METTL23: variants seen among roughly 807,000 people sequenced by gnomAD.
METTL23 encodes methyltransferase 23, arginine, also known as histone-arginine methyltransferase METTL23.
METTL23 carries 24 observed loss-of-function variants against 21.2 expected under a neutral mutation model. The observed-to-expected ratio is 1.13, with a 90% confidence interval of 0.82 to 1.59. The LOEUF is 1.59. Among genes scored for constraint, METTL23 ranks in the 40% most tolerant of loss-of-function variants. The pLI, the probability that METTL23 is intolerant of heterozygous loss-of-function variation, is 0.00. For missense variants in METTL23, 276 were observed against 221.4 expected (o/e 1.25, Z -1.57); for synonymous variants, 97 against 75.2 (o/e 1.29, Z -1.50).
chr17:76,733,811 T>A lies in METTL23; in HGVS notation c.*125T>A. 5.3e-6 allele frequency: 4 copies of A among 761,498 alleles called. No individual in the cohort carries two copies. In the South Asian group the frequency reaches 9.1e-5, roughly 17 times the overall value. 47.2% of individuals were successfully genotyped at this position (761,498 alleles called of 1,614,324 possible). A position where few individuals can be genotyped will look rare whatever the true frequency, so the allele number is the denominator to read the frequency against. On this transcript the variant is annotated 3_prime_UTR_variant, in exon 5 of 5. Coordinates refer to ENST00000341249, the MANE Select transcript of METTL23 (RefSeq NM_001080510.5). ...TGAAGATGGTCAAGTCTGTTTGCCT[T>A]AGATTTTGATGTCACCTAGACAACA...
rs1174902140 is a variant in METTL23, at chr17:76,733,626, C to T, written c.513C>T (p.Thr171=). The T allele has an allele frequency of 1.2e-6, 2 of 1,613,760 alleles. No homozygotes were observed. The highest frequency in any genetic ancestry group is 1.3e-5 in the African/African-American group (1 of 74,996). ...DADKEDIAES[T]LPGRHTVEML... ...ACAAAGAAGATATAGCAGAATCTAC[C>T]CTTCCAGGAAGACATACAGTTGAAA... Residue 171 remains threonine, a synonymous_variant, in exon 5 of 5, where the codon ACC becomes ACT. Coordinates refer to ENST00000341249, the MANE Select transcript of METTL23 (RefSeq NM_001080510.5).
chr17:76,726,196 C>G (rs2030628528), upstream of METTL23: 1 of 1,110,958 alleles, frequency 9.0e-7, no homozygotes, highest in South Asian at 1.8e-5. Context: ...CCGGAATCCG[C>G]GCCTCGGGGA....
rs1311220969 is a variant in METTL23 at position 76,727,096 on chromosome 17, G to A, written c.-104G>A. ...GGCGAGCACGATTTCCGAGGACAGG[G>A]GGTCCGGGCCCAGCGCTTTCGATTC... On this transcript the variant is annotated 5_prime_UTR_variant, in exon 1 of 5. Coordinates refer to ENST00000341249, the MANE Select transcript of METTL23 (RefSeq NM_001080510.5). 2.2e-6 allele frequency: 1 copy of A among 454,524 alleles called. No homozygotes were observed. Among genetic ancestry groups the A allele is most frequent in the Non-Finnish European group, 4.4e-6 (1 of 226,316 alleles). The allele number at this position is 454,524 out of a possible 1,614,324, so 28.2% of individuals were successfully genotyped here.
At chr17:76,732,350 A>T (rs2077247970) in intron 2 of METTL23, among the ~76,000 whole-genome samples, 5 of 152,074 alleles carry the variant, frequency 3.3e-5, no homozygotes, top group Admixed American at 3.3e-4. Flanking sequence ...AGAAATACAA[A>T]ATTAGCTGGG....
rs367652715 is a variant in METTL23, at chr17:76,732,965, C to G, written c.85-13C>G. ...AGTATAATTGTGAAATGCCATCTTT[C>G]ATAACTTATTAGATTGGAGCTGGAG... On this transcript the variant is annotated splice_polypyrimidine_tract_variant and intron_variant, in intron 2 of 4. Transcript: ENST00000341249. 6.4e-7 allele frequency: 1 copy of G among 1,552,270 alleles called. No individual in the cohort carries two copies. The highest frequency in any genetic ancestry group is 1.4e-5 in the African/African-American group (1 of 73,432).
At chr17:76,727,363 A>C (rs553956951) in intron 1 of METTL23, 185 bp downstream of exon 1, 1 of 320,508 alleles carries the variant, frequency 3.1e-6, no homozygotes, top group African/African-American at 2.2e-5. Context: ...TCTCAGTAAG[A>C]ATTTTGGAGA....
chr17:76,732,256 A>G (rs1359021278), intron 2 of METTL23, among the ~76,000 whole-genome samples: 2 of 151,956 alleles, frequency 1.3e-5, no homozygotes, highest in Admixed American at 6.6e-5. Context: ...TAATCCTAGC[A>G]CTTTGGGAGG....
At chr17:76,728,416 T>TTTTTTTTTTTTTTTTTTTTTTTTTTTTTG (rs1568008567) in intron 1 of METTL23, among the ~76,000 whole-genome samples, 5 of 5,186 alleles carry the variant, frequency 9.6e-4, no homozygotes, top group Admixed American at 3.0e-3. Flanking sequence ...TCACGGATTT[T>TTTTTTTTTTTTTTTTTTTTTTTTTTTTTG]TTTTTTTTTT....
At chr17:76,732,747 A>ATGGAT (rs1306826117) in intron 2 of METTL23, 4 of 569,674 alleles carry the variant, frequency 7.0e-6, no homozygotes, top group Non-Finnish European at 1.3e-5. Context: ...ATGGCCCTTT[A>ATGGAT]ATATTGAAAT....
At position 76,729,727 on chromosome 17, in the gene METTL23, G is replaced by A. The variant is rs750712124; in HGVS notation, c.17G>A (p.Cys6Tyr). The change falls in exon 2 of 5, where the codon TGT (cysteine) becomes TAT (tyrosine). Residue 6 changes from cysteine to tyrosine, a missense_variant. Transcript: ENST00000341249. ...CAGTATGGAATGTATGTTTGGCCCT[G>A]TGCTGTGGTCCTGGCCCAGTACCTT... MYVWP[C>Y]AVVLAQYLWF... 1 of 1,598,454 alleles carries A rather than the reference G, an allele frequency of 6.3e-7. No individual in the cohort carries two copies. Among genetic ancestry groups the A allele is most frequent in the Admixed American group, 1.7e-5 (1 of 57,856 alleles).
intron 1 of METTL23, chr17:76,727,451 C>T (rs1003436431): frequency 5.2e-5 from 11 of 210,558 alleles, no homozygotes; most frequent in East Asian, 1.4e-4. Flanking sequence ...CCTCCTGCCT[C>T]GGCCTCCCAA....
At chr17:76,728,686 C>G (rs1249536025) in intron 1 of METTL23, among the ~76,000 whole-genome samples, 1 of 151,964 alleles carries the variant, frequency 6.6e-6, no homozygotes, top group Non-Finnish European at 1.5e-5. Flanking sequence ...GCTGGGATTA[C>G]AGGTGTAAGC....
chr17:76,731,595 G>A (rs1341266500), intron 2 of METTL23, among the ~76,000 whole-genome samples: 4 of 152,174 alleles, frequency 2.6e-5, no homozygotes, highest in Admixed American at 6.5e-5. Context: ...GTTGAGATTA[G>A]TGTAAAAATG....
intron 1 of METTL23, among the ~76,000 whole-genome samples, chr17:76,727,944 A>G (rs796940817): frequency 3.9e-5 from 6 of 152,324 alleles, no homozygotes; most frequent in African/African-American, 1.2e-4. Flanking sequence ...TGGTTTTAAC[A>G]CCAGCCTGTG....
chr17:76,728,742 C>T (rs953913671), intron 1 of METTL23, among the ~76,000 whole-genome samples: 1 of 150,646 alleles, frequency 6.6e-6, no homozygotes, highest in African/African-American at 2.4e-5. Flanking sequence ...TGCATTTCTT[C>T]CTAAATGTAG....
At chr17:76,730,488 A>T (rs968079385) in intron 2 of METTL23, among the ~76,000 whole-genome samples, 7 of 152,088 alleles carry the variant, frequency 4.6e-5, no homozygotes, top group Non-Finnish European at 1.0e-4. Flanking sequence ...CAAAGCCTAA[A>T]ATATTGACTC....
intron 4 of METTL23, 54 bp from the exon 5 acceptor site, chr17:76,733,467 C>G (rs1035034906): frequency 6.3e-7 from 1 of 1,599,282 alleles, no homozygotes; most frequent in African/African-American, 1.4e-5. Flanking sequence ...TAGAATACAT[C>G]TGAAGCAAAA....
At chr17:76,731,785 T>A (rs1290403007) in intron 2 of METTL23, among the ~76,000 whole-genome samples, 1 of 152,110 alleles carries the variant, frequency 6.6e-6, no homozygotes. Flanking sequence ...ACCAAGTAAA[T>A]GAAATTAGGG....
chr17:76,729,612 C>G (rs1228171969), intron 1 of METTL23, 78 bp from the exon 2 acceptor site: 1 of 988,666 alleles, frequency 1.0e-6, no homozygotes, highest in Non-Finnish European at 1.6e-6. Context: ...ATGCCAATGC[C>G]TGACAGAAAT....
Sources: allele counts gnomAD v4.1 joint callset (sites outside exome capture counted in the v4.1 genomes callset), GRCh38; gene constraint gnomAD v4.1.1; transcripts MANE v1.5; gene names NCBI Gene and HGNC (gene_info 2026-07-23, HGNC 2026-07-21).